The following QTMAN variants were observed in gnomAD, a reference collection of about 807,000 sequenced individuals.
The protein encoded by QTMAN is tRNA-queuosine alpha-mannosyltransferase.
the QTMAN span, among the ~76,000 whole-genome samples, chr2:144,126,801 G>C: frequency 1.7e-3 from 252 of 152,066 alleles, 3 homozygotes; most frequent in African/African-American, 5.8e-3. Context: ...TTCGTGGAGT[G>C]ATACTTCATC....
chr2:144,303,134 A>G, the QTMAN span, among the ~76,000 whole-genome samples: 1 of 152,162 alleles, frequency 6.6e-6, no homozygotes, highest in South Asian at 2.1e-4. Flanking sequence ...AAAGCACCAC[A>G]ATAAAGAAAT....
chr2:144,156,505 G>A, the QTMAN span, among the ~76,000 whole-genome samples: 1 of 152,048 alleles, frequency 6.6e-6, no homozygotes, highest in Non-Finnish European at 1.5e-5. Flanking sequence ...TATTTTAAAG[G>A]TAAGACTTTT....
the QTMAN span, among the ~76,000 whole-genome samples, chr2:144,294,091 T>C: frequency 1.3e-5 from 2 of 152,234 alleles, no homozygotes; most frequent in Non-Finnish European, 2.9e-5. Context: ...TAAGTTTGTA[T>C]ACTAATTCCT....
At chr2:144,331,983 C>G in the QTMAN span, among the ~76,000 whole-genome samples, 3 of 152,324 alleles carry the variant, frequency 2.0e-5, no homozygotes, top group East Asian at 5.8e-4. Flanking sequence ...GGCGAAGCAC[C>G]CCAGCCAACT....
At chr2:144,100,031 C>A in the QTMAN span, among the ~76,000 whole-genome samples, 170 of 152,184 alleles carry the variant, frequency 1.1e-3, 2 homozygotes, top group African/African-American at 4.0e-3. Flanking sequence ...AAGTGGAATG[C>A]GAGTTTAACA....
chr2:144,013,676 C>T, the QTMAN span, among the ~76,000 whole-genome samples: 1 of 151,870 alleles, frequency 6.6e-6, no homozygotes, highest in African/African-American at 2.4e-5. Context: ...TGGATAGAAA[C>T]CAAATTGAGG....
chr2:144,329,214 C>T, the QTMAN span, among the ~76,000 whole-genome samples: 1 of 151,354 alleles, frequency 6.6e-6, no homozygotes. Flanking sequence ...TGCAATCCAG[C>T]CCGGGTGACA....
chr2:144,155,491 T>G, the QTMAN span, among the ~76,000 whole-genome samples: 43 of 152,206 alleles, frequency 2.8e-4, no homozygotes, highest in Admixed American at 3.9e-4. Flanking sequence ...ACAAGACTAT[T>G]CCTTAAAAGC....
chr2:143,969,921 A>C, the QTMAN span, among the ~76,000 whole-genome samples: 2 of 152,240 alleles, frequency 1.3e-5, no homozygotes, highest in Non-Finnish European at 2.9e-5. Context: ...GTCATAATGC[A>C]CAATGGCAAA....
the QTMAN span, among the ~76,000 whole-genome samples, chr2:144,187,718 T>C: frequency 1.3e-5 from 2 of 152,106 alleles, no homozygotes; most frequent in Non-Finnish European, 2.9e-5. Flanking sequence ...GCACAGAAAA[T>C]GACAGGCATA....
the QTMAN span, among the ~76,000 whole-genome samples, chr2:144,106,731 G>C: frequency 6.6e-6 from 1 of 152,166 alleles, no homozygotes; most frequent in Admixed American, 6.5e-5. Context: ...TCCAGCAATT[G>C]AACTCAGCTC....
the QTMAN span, among the ~76,000 whole-genome samples, chr2:144,196,883 G>A: frequency 1.3e-5 from 2 of 152,218 alleles, no homozygotes; most frequent in African/African-American, 2.4e-5. Context: ...TTTGGCAGGG[G>A]GGATAGTGAT....
the QTMAN span, among the ~76,000 whole-genome samples, chr2:144,038,293 C>A: frequency 1.4e-5 from 2 of 140,160 alleles, no homozygotes; most frequent in South Asian, 4.7e-4. Context: ...GTGTTTGAGA[C>A]ATACAGACAT....
At chr2:144,246,540 T>A in the QTMAN span, among the ~76,000 whole-genome samples, 1 of 125,010 alleles carries the variant, frequency 8.0e-6, no homozygotes, top group Non-Finnish European at 1.6e-5. Context: ...GCCACTGCAG[T>A]CCGCAGTCCG....
the QTMAN span, among the ~76,000 whole-genome samples, chr2:143,949,495 G>T: frequency 6.6e-6 from 1 of 151,868 alleles, no homozygotes; most frequent in Admixed American, 6.6e-5. Context: ...ATTTTAAAAT[G>T]TAAACTTTTA....
chr2:144,184,522 C>G, the QTMAN span, among the ~76,000 whole-genome samples: 1 of 152,040 alleles, frequency 6.6e-6, no homozygotes, highest in Non-Finnish European at 1.5e-5. Flanking sequence ...ATGGAATTTT[C>G]TATTAAAAGA....
At chr2:144,101,731 T>A in the QTMAN span, among the ~76,000 whole-genome samples, 1 of 152,104 alleles carries the variant, frequency 6.6e-6, no homozygotes, top group Non-Finnish European at 1.5e-5. Context: ...ATATATTCCC[T>A]TTTTGAATGT....
the QTMAN span, among the ~76,000 whole-genome samples, chr2:144,299,634 G>A: frequency 6.6e-6 from 1 of 152,170 alleles, no homozygotes; most frequent in Non-Finnish European, 1.5e-5. Context: ...TTAAAAACAA[G>A]TGTTGGTAAG....
chr2:144,080,175 T>C, the QTMAN span, among the ~76,000 whole-genome samples: 1 of 152,218 alleles, frequency 6.6e-6, no homozygotes, highest in African/African-American at 2.4e-5. Context: ...TTCAAAATAA[T>C]TTGCCTCTTT....
Sources: allele counts gnomAD v4.1 joint callset (sites outside exome capture counted in the v4.1 genomes callset), GRCh38; gene constraint gnomAD v4.1.1; transcripts MANE v1.5; gene names NCBI Gene and HGNC (gene_info 2026-07-23, HGNC 2026-07-21).